The following BACE2 variants were observed in gnomAD, a reference collection of about 807,000 sequenced individuals.
BACE2 encodes 56 kDa aspartic-like protease.
Under a neutral mutation model 46.2 loss-of-function variants are expected in BACE2, and 17 were observed. The ratio of observed to expected loss-of-function variants is 0.37; its 90% CI spans 0.25 to 0.55. The LOEUF (loss-of-function observed/expected upper bound fraction) is 0.55, where lower values mean the gene tolerates loss of function less well. Among genes scored for constraint, BACE2 ranks in the 20% least tolerant of loss-of-function variants. The pLI, the probability that BACE2 is intolerant of heterozygous loss-of-function variation, is 0.82. For missense variants in BACE2, 595 were observed against 698.1 expected (o/e 0.85, Z 1.66); for synonymous variants, 277 against 295.9 (o/e 0.94, Z 0.66).
chr21:41,239,601 C>T (rs1009942281), intron 3 of BACE2, among the ~76,000 whole-genome samples: 11 of 152,314 alleles, frequency 7.2e-5, no homozygotes, highest in African/African-American at 2.6e-4. Flanking sequence ...TGGTCTCAAA[C>T]TCCTGAGCTC....
intron 8 of BACE2, among the ~76,000 whole-genome samples, chr21:41,271,675 T>C (rs2088436394): frequency 6.6e-6 from 1 of 152,162 alleles, no homozygotes; most frequent in Admixed American, 6.5e-5. Flanking sequence ...AGTGGTTGCT[T>C]TAGAATATGT....
chr21:41,245,901 C>G, intron 5 of BACE2, 61 bp from the exon 6 acceptor site: 1 of 1,340,652 alleles, frequency 7.5e-7, no homozygotes, highest in Non-Finnish European at 1.0e-6. Flanking sequence ...CGGCTAGAGC[C>G]ACGTGGGGCG....
Position 41,282,411 on chromosome 21 carries a change from A to G in BACE2, c.*6787A>G, listed in dbSNP as rs1420593974. 1 of 152,242 alleles carries G rather than the reference A, an allele frequency of 6.6e-6. No individual in the cohort carries two copies. Among genetic ancestry groups the G allele is most frequent in the Non-Finnish European group, 1.5e-5 (1 of 68,040 alleles). The allele number at this position is 152,242 out of a possible 1,614,324, so 9.4% of individuals were successfully genotyped here. ...TGTCTGAACTATTGTCGTGCCCTTC[A>G]AAACTGGAGTTTTCTAAAATAATCT... On this transcript the variant is annotated 3_prime_UTR_variant, in exon 9 of 9. Coordinates refer to ENST00000330333, the MANE Select transcript of BACE2 (RefSeq NM_012105.5).
intron 7 of BACE2, among the ~76,000 whole-genome samples, chr21:41,251,384 G>A (rs1404887110): frequency 3.9e-5 from 6 of 152,194 alleles, no homozygotes; most frequent in South Asian, 4.1e-4. Flanking sequence ...GATGCCCCTC[G>A]CACTGGGAGG....
At chr21:41,210,544 C>T (rs947416502) in intron 1 of BACE2, among the ~76,000 whole-genome samples, 4 of 152,156 alleles carry the variant, frequency 2.6e-5, no homozygotes, top group Admixed American at 1.3e-4. Context: ...CTCACCGGCC[C>T]GGAGATCAGC....
chr21:41,254,958 C>T (rs964646068), intron 7 of BACE2, among the ~76,000 whole-genome samples: 10 of 152,198 alleles, frequency 6.6e-5, no homozygotes, highest in East Asian at 1.9e-4. Context: ...TCCCAAGAGA[C>T]GAGGACAGTG....
chr21:41,179,554 T>C (rs1464697770), intron 1 of BACE2: 1 of 1,364,900 alleles, frequency 7.3e-7, no homozygotes, highest in South Asian at 1.1e-5. Flanking sequence ...TCAGGGTGAG[T>C]GAGGGTGTCC....
chr21:41,241,983 A>G, intron 4 of BACE2, 36 bp downstream of exon 4: 1 of 1,610,254 alleles, frequency 6.2e-7, no homozygotes, highest in Non-Finnish European at 8.5e-7. Flanking sequence ...GCGAAAAATC[A>G]CAGATGGATG....
intron 8 of BACE2, among the ~76,000 whole-genome samples, chr21:41,271,434 C>T (rs895698166): frequency 6.6e-6 from 1 of 152,058 alleles, no homozygotes; most frequent in Middle Eastern, 3.2e-3. Flanking sequence ...ACTATCTGGC[C>T]CTTTACGGAA....
chr21:41,174,139 C>CTTTTTTTTTTTTTTT (rs1328562900), intron 1 of BACE2, among the ~76,000 whole-genome samples: 2 of 48,496 alleles, frequency 4.1e-5, no homozygotes, highest in African/African-American at 1.6e-4. Context: ...GATCAGTGGC[C>CTTTTTTTTTTTTTTT]TTTTTTTTTT....
At chr21:41,248,998 C>T (rs1156780887) in intron 6 of BACE2, among the ~76,000 whole-genome samples, 1 of 152,214 alleles carries the variant, frequency 6.6e-6, no homozygotes, top group Non-Finnish European at 1.5e-5. Flanking sequence ...TGCTGCACAC[C>T]CTCCTACGTG....
At chr21:41,264,342 G>C (rs1988015462) in intron 8 of BACE2, among the ~76,000 whole-genome samples, 1 of 151,928 alleles carries the variant, frequency 6.6e-6, no homozygotes, top group African/African-American at 2.4e-5. Context: ...CAGAACTTTA[G>C]GAGGCCAAGG....
chr21:41,274,886 G>A (rs561709989), intron 8 of BACE2, among the ~76,000 whole-genome samples: 54 of 152,266 alleles, frequency 3.5e-4, no homozygotes, highest in African/African-American at 1.2e-3. Context: ...ATCCATGGTA[G>A]GGAGTGAACT....
chr21:41,229,403 T>C (rs1601289374), intron 2 of BACE2, among the ~76,000 whole-genome samples: 1 of 152,232 alleles, frequency 6.6e-6, no homozygotes, highest in African/African-American at 2.4e-5. Flanking sequence ...ATGTGGATGG[T>C]GACTTTCCAG....
intron 1 of BACE2, among the ~76,000 whole-genome samples, chr21:41,197,266 G>GTTTTTT (rs57910664): frequency 6.9e-6 from 1 of 144,682 alleles, no homozygotes; most frequent in Non-Finnish European, 1.5e-5. Context: ...AGCCAGCCAG[G>GTTTTTT]TTTTTTTTGT....
intron 7 of BACE2, among the ~76,000 whole-genome samples, chr21:41,251,365 G>A (rs1987633345): frequency 6.6e-6 from 1 of 152,190 alleles, no homozygotes; most frequent in Non-Finnish European, 1.5e-5. Context: ...TTCCGAGGAT[G>A]AGGGAAAAGA....
At position 41,209,294 on chromosome 21, in the gene BACE2, C is replaced by T. The variant is rs372526791; in HGVS notation, c.313-16972C>T. On this transcript the variant is annotated intron_variant, in intron 1 of 8. Transcript: ENST00000330333. ...TCCATCCTTGCTGCTTCCCTCCACTCGCCCGAGCCGGGCTGGGAAGAGAGG... is the reference window on the plus strand; with the variant it reads ...TCCATCCTTGCTGCTTCCCTCCACTTGCCCGAGCCGGGCTGGGAAGAGAGG... Among the ~76,000 whole-genome samples, 349 of 152,332 alleles carry T rather than the reference C, an allele frequency of 2.3e-3. 2 individuals carry two copies. The highest frequency in any genetic ancestry group is 8.1e-3 in the African/African-American group (336 of 41,576).
At chr21:41,268,606 T>C (rs2088402793) in intron 8 of BACE2, among the ~76,000 whole-genome samples, 1 of 152,174 alleles carries the variant, frequency 6.6e-6, no homozygotes, top group Non-Finnish European at 1.5e-5. Context: ...CCATGACTCT[T>C]TTAATTATAA....
intron 6 of BACE2, among the ~76,000 whole-genome samples, chr21:41,247,008 C>A (rs938364615): frequency 6.6e-6 from 1 of 152,188 alleles, no homozygotes; most frequent in African/African-American, 2.4e-5. Flanking sequence ...TGAGTGTTCT[C>A]ATAGCATCTG....
Sources: allele counts gnomAD v4.1 joint callset (sites outside exome capture counted in the v4.1 genomes callset), GRCh38; gene constraint gnomAD v4.1.1; transcripts MANE v1.5; gene names NCBI Gene and HGNC (gene_info 2026-07-23, HGNC 2026-07-21).